TTC39A: variants seen among roughly 807,000 people sequenced by gnomAD.
TTC39A encodes tetratricopeptide repeat domain 39A, also known as tetratricopeptide repeat protein 39A.
A neutral mutation model predicts 82.3 loss-of-function variants in TTC39A; 46 were observed. That is an observed-to-expected ratio of 0.56 (90% CI 0.44 to 0.71). TTC39A has a LOEUF of 0.71. Ranked by LOEUF, TTC39A falls within the 30% of genes least tolerant of loss-of-function variation. TTC39A has a pLI of 0.00. For synonymous variants in TTC39A, 254 were observed against 275.2 expected, an observed-to-expected ratio of 0.92 and a Z score of 0.76; for missense variants, 543 against 712.9, an observed-to-expected ratio of 0.76 and a Z score of 2.71.
At chr1:51,315,253 C>T (rs1241997745) in intron 2 of TTC39A, among the ~76,000 whole-genome samples, 1 of 152,198 alleles carries the variant, frequency 6.6e-6, no homozygotes, top group East Asian at 1.9e-4. Context: ...AGAATACTAG[C>T]CCCTCCCCAG....
Position 51,290,129 on chromosome 1 carries a change from G to C in TTC39A, c.1379-10C>G. 6.2e-7 allele frequency: 1 copy of C among 1,609,290 alleles called. No individual in the cohort carries two copies. The highest frequency in any genetic ancestry group is 1.7e-4 in the Middle Eastern group (1 of 6,034). ...ACTGAGTACTCGTTCTCTGAAAATA[G>C]GGATGTGAGGGAAAAAGACAGACTT... On this transcript the variant is annotated splice_polypyrimidine_tract_variant and intron_variant, in intron 15 of 17. Coordinates refer to ENST00000680483, the MANE Select transcript of TTC39A (RefSeq NM_001297663.2).
rs769403298 is a variant in TTC39A, at chr1:51,321,704, C to T, written c.146+17G>A. The T allele has an allele frequency of 1.2e-5, 20 of 1,612,034 alleles. No individual in the cohort carries two copies. The highest frequency in any genetic ancestry group is 3.3e-5 in the South Asian group (3 of 90,600). ...CGTCATGCACACCCCCTACCCCAAC[C>T]GGGGCTTGAGCCTCACCTGGGCTTG... On this transcript the variant is annotated intron_variant, in intron 2 of 17. Transcript: ENST00000680483. The surrounding 1 kb of genome is among the most constrained non-coding windows in gnomAD (Gnocchi z 4.6).
chr1:51,303,009 G>A, intron 9 of TTC39A, 75 bp downstream of exon 9: 2 of 1,323,630 alleles, frequency 1.5e-6, no homozygotes, highest in Non-Finnish European at 2.1e-6. Context: ...CATGAACAGG[G>A]TCTGTAGCCC....
At chr1:51,343,031 G>T (rs1221592804) in intron 1 of TTC39A, 1 of 456,100 alleles carries the variant, frequency 2.2e-6, no homozygotes, top group Non-Finnish European at 4.4e-6. Flanking sequence ...AGGCTCCCTG[G>T]TGCCCACAGG....
chr1:51,303,011 C>G (rs1480868073), intron 9 of TTC39A, 73 bp downstream of exon 9: 1 of 1,343,820 alleles, frequency 7.4e-7, no homozygotes, highest in Non-Finnish European at 1.0e-6. Context: ...TGAACAGGGT[C>G]TGTAGCCCCT....
chr1:51,323,602 T>C (rs901501812), intron 1 of TTC39A, among the ~76,000 whole-genome samples: 1 of 152,242 alleles, frequency 6.6e-6, no homozygotes, highest in African/African-American at 2.4e-5. Flanking sequence ...GGGCTCTCTG[T>C]TAGATCCTGA....
chr1:51,333,468 G>A (rs67994022), upstream of TTC39A, among the ~76,000 whole-genome samples: 33,362 of 152,232 alleles, frequency 0.22, 4,991 homozygotes, highest in African/African-American at 0.43. Context: ...GGCCAGGTAA[G>A]TGAAGAATCC....
At chr1:51,311,223 C>T in intron 5 of TTC39A, 31 bp downstream of exon 5, 2 of 1,552,426 alleles carry the variant, frequency 1.3e-6, no homozygotes, top group Non-Finnish European at 1.7e-6. Context: ...TTCTGAAATC[C>T]CAGCCTCTTT....
Position 51,321,977 on chromosome 1 carries a change from C to T in TTC39A, c.42-152G>A, listed in dbSNP as rs920366341. The T allele has an allele frequency of 1.0e-5, 14 of 1,353,842 alleles. No homozygotes were observed. The highest frequency in any genetic ancestry group is 5.8e-5 in the African/African-American group (4 of 68,678). The allele number at this position is 1,353,842 out of a possible 1,614,324, so 83.9% of individuals were successfully genotyped here. A position where few individuals can be genotyped will look rare whatever the true frequency, so the allele number is the denominator to read the frequency against. On this transcript the variant is annotated intron_variant, in intron 1 of 17. Transcript: ENST00000680483. The surrounding 1 kb of genome is among the most constrained non-coding windows in gnomAD (Gnocchi z 4.6). ...TCCAGGCTGCCACTCTGTACTGGGACGCAGGGACAATTTGGACCCACCTCT... is the reference window on the plus strand; with the variant it reads ...TCCAGGCTGCCACTCTGTACTGGGATGCAGGGACAATTTGGACCCACCTCT...
chr1:51,324,455 C>T (rs1294252650), intron 1 of TTC39A, among the ~76,000 whole-genome samples: 1 of 152,180 alleles, frequency 6.6e-6, no homozygotes, highest in Admixed American at 6.5e-5. Flanking sequence ...CTTCAGTTCT[C>T]TCTTCACGCT....
At chr1:51,311,728 T>C (rs1448478788) in intron 4 of TTC39A, among the ~76,000 whole-genome samples, 1 of 152,206 alleles carries the variant, frequency 6.6e-6, no homozygotes, top group African/African-American at 2.4e-5. Flanking sequence ...TCTTCTCATG[T>C]TGTCCCATTG....
chr1:51,309,797 A>G (rs1252229874), intron 5 of TTC39A, among the ~76,000 whole-genome samples: 1 of 152,224 alleles, frequency 6.6e-6, no homozygotes, highest in Non-Finnish European at 1.5e-5. Context: ...AAACAGAAAC[A>G]GCCCAAATGG....
intron 1 of TTC39A, among the ~76,000 whole-genome samples, chr1:51,324,548 G>A (rs1365840645): frequency 3.9e-5 from 6 of 151,930 alleles, no homozygotes; most frequent in Non-Finnish European, 8.8e-5. Context: ...TGAGGAGAGG[G>A]TGTCTCTCTG....
chr1:51,288,214 T>A lies in TTC39A; in HGVS notation c.1677A>T (p.Gln559His). 6.2e-7 allele frequency: 1 copy of A among 1,614,088 alleles called. No homozygotes were observed. The highest frequency in any genetic ancestry group is 1.1e-5 in the South Asian group (1 of 91,090). The change falls in exon 18 of 18, where the codon CAA becomes CAT. Residue 559 changes from glutamine to histidine, a missense_variant. By Grantham distance (24) the Gln-to-His change is conservative (BLOSUM62 0). Transcript: ENST00000680483. The surrounding 1 kb of genome is among the most constrained non-coding windows in gnomAD (Gnocchi z 4.8). ...THFRIQAATL[Q>H]AKSSLENSSR... ...TGCTGTTCTCTAGGGAAGACTTGGCTTGGAGTGTGGCTGCCTGGATTCGAA... is the reference window on the plus strand; with the variant it reads ...TGCTGTTCTCTAGGGAAGACTTGGCATGGAGTGTGGCTGCCTGGATTCGAA...
chr1:51,295,362 T>C (rs183393153), intron 13 of TTC39A, among the ~76,000 whole-genome samples: 1 of 152,210 alleles, frequency 6.6e-6, no homozygotes, highest in African/African-American at 2.4e-5. Context: ...ATTATACCCA[T>C]TTCTGGGTCT....
At chr1:51,329,100 A>G (rs897532290) in intron 1 of TTC39A, among the ~76,000 whole-genome samples, 3 of 152,254 alleles carry the variant, frequency 2.0e-5, no homozygotes, top group Non-Finnish European at 4.4e-5. Flanking sequence ...CAGCAGGGCC[A>G]GAGGTGCCCG....
chr1:51,331,757 T>C (rs1645915301), upstream of TTC39A: 1 of 985,294 alleles, frequency 1.0e-6, no homozygotes, highest in Non-Finnish European at 1.2e-6. Flanking sequence ...ACGAAAAAGA[T>C]AATTAACTAC....
rs902685419 is a variant in TTC39A, at chr1:51,330,222, C to T, written c.41+215G>A. The T allele has an allele frequency of 8.1e-6, 8 of 985,442 alleles. No homozygotes were observed. The highest frequency in any genetic ancestry group is 6.1e-5 in the Admixed American group (1 of 16,294). The allele number at this position is 985,442 out of a possible 1,614,324, so 61.0% of individuals were successfully genotyped here. A position where few individuals can be genotyped will look rare whatever the true frequency, so the allele number is the denominator to read the frequency against. On this transcript the variant is annotated intron_variant, in intron 1 of 17. Transcript: ENST00000680483. The surrounding 1 kb of genome is among the most constrained non-coding windows in gnomAD (Gnocchi z 4.5). ...AAGTTGGGACCCAGAAGGTGAGTGACCGACCCGGGGTCCCCGCGCCTCCGC... is the reference window on the plus strand; with the variant it reads ...AAGTTGGGACCCAGAAGGTGAGTGATCGACCCGGGGTCCCCGCGCCTCCGC...
At chr1:51,310,086 G>A (rs139587932) in intron 5 of TTC39A, among the ~76,000 whole-genome samples, 1 of 152,066 alleles carries the variant, frequency 6.6e-6, no homozygotes, top group Admixed American at 6.6e-5. Context: ...CCAACGTGGT[G>A]AAACCCCCAT....
Sources: allele counts gnomAD v4.1 joint callset (sites outside exome capture counted in the v4.1 genomes callset), GRCh38; gene constraint gnomAD v4.1.1; non-coding constraint Gnocchi (gnomAD v3.1); transcripts MANE v1.5; gene names NCBI Gene and HGNC (gene_info 2026-07-23, HGNC 2026-07-21).